ADAMTSL1: variants seen among roughly 807,000 people sequenced by gnomAD.
ADAMTSL1 encodes the protein ADAMTS like 1.
In ADAMTSL1, 126 loss-of-function variants were observed where a neutral mutation model predicts 201.8. The observed-to-expected ratio is 0.62, with a 90% confidence interval of 0.54 to 0.72. The LOEUF is 0.72. Ranked by LOEUF, ADAMTSL1 falls within the 30% of genes least tolerant of loss-of-function variation. The pLI is 0.00. For synonymous variants in ADAMTSL1, 1,121 were observed against 903.4 expected (o/e 1.24, Z -4.32); for missense variants, 2,679 against 2,277.8 (o/e 1.18, Z -3.59).
At chr9:18,395,628 C>T (rs571883022) in intron 2 of ADAMTSL1, among the ~76,000 whole-genome samples, 88 of 152,276 alleles carry the variant, frequency 5.8e-4, no homozygotes, top group Non-Finnish European at 1.2e-3. Flanking sequence ...GCTTCTGAAG[C>T]ATCCCTAGAC....
Position 17,914,272 on chromosome 9 carries a change from A to G in ADAMTSL1, c.87+7350A>G, listed in dbSNP as rs1196156340. On this transcript the variant is annotated intron_variant, in intron 1 of 29. Coordinates refer to the ADAMTSL1 transcript ENST00000680146. ...ATGAACATTGATGCAAAAATCCTCAATAAAATACTGGCAAACCGAATCCAG... is the reference window on the plus strand; with the variant it reads ...ATGAACATTGATGCAAAAATCCTCAGTAAAATACTGGCAAACCGAATCCAG... 3.3e-5 allele frequency among the ~76,000 whole-genome samples: 5 copies of G among 152,300 alleles called. No homozygotes were observed. In the East Asian group the frequency reaches 9.6e-4, roughly 29 times the overall value.
At chr9:18,879,805 A>T (rs1043566329) in intron 23 of ADAMTSL1, among the ~76,000 whole-genome samples, 2 of 152,232 alleles carry the variant, frequency 1.3e-5, no homozygotes, top group African/African-American at 4.8e-5. Context: ...CGATTGATTC[A>T]TCTCATGAAA....
intron 8 of ADAMTSL1, among the ~76,000 whole-genome samples, chr9:18,658,622 C>G (rs559884968): frequency 6.6e-6 from 1 of 152,296 alleles, no homozygotes; most frequent in East Asian, 1.9e-4. Context: ...ACTCCTGTCT[C>G]TGCTCCATCA....
chr9:18,622,011 C>A (rs1244220996), intron 4 of ADAMTSL1, among the ~76,000 whole-genome samples: 8 of 152,140 alleles, frequency 5.3e-5, no homozygotes, highest in Admixed American at 5.2e-4. Context: ...CATTCTCTTT[C>A]TTTTACCCTT....
intron 2 of ADAMTSL1, among the ~76,000 whole-genome samples, chr9:18,522,054 A>G (rs1390878883): frequency 6.6e-6 from 1 of 152,146 alleles, no homozygotes; most frequent in African/African-American, 2.4e-5. Context: ...TGGTTCATAT[A>G]GTTTCCTTTT....
chr9:18,134,054 T>G (rs1330811973), intron 1 of ADAMTSL1, among the ~76,000 whole-genome samples: 1 of 152,182 alleles, frequency 6.6e-6, no homozygotes, highest in Non-Finnish European at 1.5e-5. Context: ...CATAATTCTT[T>G]AAGTTACCTA....
chr9:18,477,034 A>C (rs1398117638), intron 1 of ADAMTSL1, among the ~76,000 whole-genome samples: 1 of 152,226 alleles, frequency 6.6e-6, no homozygotes, highest in African/African-American at 2.4e-5. Flanking sequence ...ACAGTAGGAC[A>C]GTAGTACTGA....
intron 2 of ADAMTSL1, among the ~76,000 whole-genome samples, chr9:18,225,285 C>A (rs1258951747): frequency 6.6e-6 from 1 of 152,122 alleles, no homozygotes; most frequent in Admixed American, 6.6e-5. Context: ...AAGCAAAGGA[C>A]ATCTTATAGC....
chr9:18,847,263 G>A (rs1031304366), intron 23 of ADAMTSL1, among the ~76,000 whole-genome samples: 6 of 152,082 alleles, frequency 3.9e-5, no homozygotes, highest in Admixed American at 1.3e-4. Context: ...TGGGGGTAGG[G>A]GGCATTTAAC....
At chr9:17,926,397 C>G (rs757455007) in intron 1 of ADAMTSL1, among the ~76,000 whole-genome samples, 1 of 152,136 alleles carries the variant, frequency 6.6e-6, no homozygotes, top group Non-Finnish European at 1.5e-5. Context: ...TTTCACCACT[C>G]GGCCACATCA....
chr9:17,993,969 C>G (rs1198889278), intron 1 of ADAMTSL1, among the ~76,000 whole-genome samples: 1 of 151,934 alleles, frequency 6.6e-6, no homozygotes, highest in Non-Finnish European at 1.5e-5. Context: ...CCAGAGAGGT[C>G]TCTGGAAACT....
chr9:18,461,363 T>C (rs1054576639), intron 2 of ADAMTSL1, among the ~76,000 whole-genome samples: 6 of 152,178 alleles, frequency 3.9e-5, no homozygotes, highest in African/African-American at 1.4e-4. Flanking sequence ...TTTTTTAACA[T>C]TTAATCGACA....
chr9:18,512,268 G>A (rs1428248326), intron 2 of ADAMTSL1, among the ~76,000 whole-genome samples: 5 of 151,846 alleles, frequency 3.3e-5, no homozygotes, highest in Non-Finnish European at 5.9e-5. Context: ...TCTCCTTTCC[G>A]GAGGCAAATG....
intron 1 of ADAMTSL1, among the ~76,000 whole-genome samples, chr9:18,113,216 ACCTGGTAGGCCATGT>A (rs1200304810): frequency 6.6e-6 from 1 of 152,110 alleles, no homozygotes; most frequent in Non-Finnish European, 1.5e-5. Context: ...CAATAGGAAG[ACCTGGTAGGCCATGT>A]CCAGGCATTT....
At chr9:18,418,759 T>A (rs961700788) in intron 2 of ADAMTSL1, among the ~76,000 whole-genome samples, 7 of 152,210 alleles carry the variant, frequency 4.6e-5, no homozygotes, top group African/African-American at 1.4e-4. Flanking sequence ...GTAATGATGT[T>A]AATTCCCCAC....
rs888921970 is a variant in ADAMTSL1 at position 18,488,142 on chromosome 9, C to T, written c.63+13847C>T. 7.2e-5 allele frequency among the ~76,000 whole-genome samples: 11 copies of T among 152,156 alleles called. 1 individual carries two copies. The highest frequency in any genetic ancestry group is 2.7e-4 in the African/African-American group (11 of 41,424). ...ATACGATTATGGAACCCTCTCATTCCCTATCATCTGATGTGGATTATTCCC... is the reference window on the plus strand; with the variant it reads ...ATACGATTATGGAACCCTCTCATTCTCTATCATCTGATGTGGATTATTCCC... On this transcript the variant is annotated intron_variant, in intron 1 of 28. Coordinates refer to ENST00000380548, the MANE Select transcript of ADAMTSL1 (RefSeq NM_001040272.6).
chr9:18,203,267 A>G (rs1438363580), intron 2 of ADAMTSL1, among the ~76,000 whole-genome samples: 1 of 152,210 alleles, frequency 6.6e-6, no homozygotes, highest in East Asian at 1.9e-4. Flanking sequence ...ACCAGGGACT[A>G]TATTCACCGG....
At chr9:18,261,843 A>G (rs1441435684) in intron 2 of ADAMTSL1, among the ~76,000 whole-genome samples, 1 of 152,194 alleles carries the variant, frequency 6.6e-6, no homozygotes, top group Admixed American at 6.5e-5. Context: ...AACGGAATTC[A>G]CAGTATGGAA....
At chr9:18,156,171 G>C (rs988096979) in intron 1 of ADAMTSL1, among the ~76,000 whole-genome samples, 9 of 151,914 alleles carry the variant, frequency 5.9e-5, no homozygotes, top group Admixed American at 1.3e-4. Flanking sequence ...AACAGCCCTC[G>C]GAAATCATGG....
Sources: gnomAD v4.1 joint callset for allele counts (sites outside exome capture counted in the v4.1 genomes callset) on GRCh38, gnomAD v4.1.1 for gene constraint, MANE v1.5 for transcripts, NCBI Gene and HGNC (gene_info 2026-07-23, HGNC 2026-07-21) for gene names.